IPCEF1: variants seen among roughly 807,000 people sequenced by gnomAD.
IPCEF1 encodes the protein interaction protein for cytohesin exchange factors 1, also known as interactor protein for cytohesin exchange factors 1.
In IPCEF1, 31 loss-of-function variants were observed where a neutral mutation model predicts 50.9. That is an observed-to-expected ratio of 0.61 (90% CI 0.46 to 0.82). The LOEUF (loss-of-function observed/expected upper bound fraction) is 0.82. Among genes scored for constraint, IPCEF1 ranks in the 40% least tolerant of loss-of-function variants. IPCEF1 has a pLI of 0.00. For synonymous variants in IPCEF1, 181 were observed against 192.0 expected, an observed-to-expected ratio of 0.94 and a Z score of 0.47; for missense variants, 458 against 514.0, an observed-to-expected ratio of 0.89 and a Z score of 1.05.
At chr6:154,321,803 A>C (rs952667222) in intron 1 of IPCEF1, among the ~76,000 whole-genome samples, 3 of 148,316 alleles carry the variant, frequency 2.0e-5, no homozygotes, top group Non-Finnish European at 4.4e-5. Flanking sequence ...AAAAAAAAAA[A>C]AAACCAAGGA....
chr6:154,274,019 C>G (rs1781978224), intron 2 of IPCEF1, among the ~76,000 whole-genome samples: 1 of 149,864 alleles, frequency 6.7e-6, no homozygotes, highest in African/African-American at 2.5e-5. Flanking sequence ...TCCCAAAGTT[C>G]TGGGATTACA....
intron 5 of IPCEF1, among the ~76,000 whole-genome samples, chr6:154,246,011 T>C (rs7741417): frequency 0.84 from 127,886 of 152,176 alleles, 54,564 homozygotes; most frequent in Middle Eastern, 0.88. Flanking sequence ...ACTAGTTTAA[T>C]GCCATCACAG....
At chr6:154,333,737 GTA>G (rs966407609) in intron 1 of IPCEF1, among the ~76,000 whole-genome samples, 1 of 151,246 alleles carries the variant, frequency 6.6e-6, no homozygotes, top group Non-Finnish European at 1.5e-5. Context: ...ATATGTGTAT[GTA>G]TATATATGTG....
At chr6:154,214,352 T>C in intron 7 of IPCEF1, 76 bp from the exon 8 acceptor site, 2 of 1,002,614 alleles carry the variant, frequency 2.0e-6, no homozygotes, top group South Asian at 1.3e-5. Flanking sequence ...CAGAGTTTGT[T>C]ATGAAATTAG....
chr6:154,274,126 T>A (rs1781981336), intron 2 of IPCEF1, among the ~76,000 whole-genome samples: 1 of 151,980 alleles, frequency 6.6e-6, no homozygotes, highest in African/African-American at 2.4e-5. Context: ...TATAGAATAT[T>A]CTCATTCTTT....
rs1172258120 is a variant in IPCEF1, at chr6:154,159,785, T to C, written c.*43A>G. The stretch of plus-strand genomic sequence containing the variant: ...TAAGCTTTTGCAACATCTTGAAGAG[T>C]TGCTTGTGATAAAATATAAGAGGAG... On this transcript the variant is annotated 3_prime_UTR_variant, in exon 12 of 12. Transcript: ENST00000367220. 6.8e-7 allele frequency: 1 copy of C among 1,462,996 alleles called. No homozygotes were observed. The highest frequency in any genetic ancestry group is 9.5e-7 in the Non-Finnish European group (1 of 1,053,004). 90.6% of individuals were successfully genotyped at this position (1,462,996 alleles called of 1,614,324 possible). A position where few individuals can be genotyped will look rare whatever the true frequency, so the allele number is the denominator to read the frequency against.
intron 1 of IPCEF1, among the ~76,000 whole-genome samples, chr6:154,304,386 A>G (rs968127460): frequency 6.6e-6 from 1 of 152,206 alleles, no homozygotes; most frequent in Non-Finnish European, 1.5e-5. Flanking sequence ...ACTTCCTGAA[A>G]TCACTCTCTT....
intron 1 of IPCEF1, among the ~76,000 whole-genome samples, chr6:154,313,199 C>T (rs903337281): frequency 5.3e-5 from 8 of 151,522 alleles, no homozygotes; most frequent in Non-Finnish European, 1.2e-4. Flanking sequence ...TGGTAAAACC[C>T]CATCTCTTCT....
intron 1 of IPCEF1, among the ~76,000 whole-genome samples, chr6:154,335,128 C>T (rs1783761488): frequency 6.6e-6 from 1 of 152,096 alleles, no homozygotes; most frequent in African/African-American, 2.4e-5. Flanking sequence ...GCCTGGGCAA[C>T]ATAGTGAGAC....
chr6:154,220,183 G>A (rs1024878368), intron 7 of IPCEF1, among the ~76,000 whole-genome samples: 1 of 152,140 alleles, frequency 6.6e-6, no homozygotes, highest in Admixed American at 6.5e-5. Flanking sequence ...TTATGTGTGG[G>A]TTTTTCATTG....
At chr6:154,186,601 G>T (rs1801377969) in intron 10 of IPCEF1, among the ~76,000 whole-genome samples, 1 of 151,630 alleles carries the variant, frequency 6.6e-6, no homozygotes, top group African/African-American at 2.4e-5. Flanking sequence ...TTGTCGCCCA[G>T]GCTGGAGTGC....
chr6:154,223,037 C>T, intron 6 of IPCEF1, 133 bp downstream of exon 6: 1 of 739,192 alleles, frequency 1.4e-6, no homozygotes, highest in Non-Finnish European at 2.3e-6. Flanking sequence ...AGGGTGCCAA[C>T]CCATAATGCT....
chr6:154,159,777 T>G lies in IPCEF1; in HGVS notation c.*51A>C. 7.0e-7 allele frequency: 1 copy of G among 1,419,854 alleles called. No homozygotes were observed. The highest frequency in any genetic ancestry group is 1.2e-5 in the South Asian group (1 of 82,996). 88.0% of individuals were successfully genotyped at this position (1,419,854 alleles called of 1,614,324 possible). On this transcript the variant is annotated 3_prime_UTR_variant, in exon 12 of 12. Coordinates refer to ENST00000367220, the MANE Select transcript of IPCEF1 (RefSeq NM_001130700.2). ...GAAAAATGTAAGCTTTTGCAACATC[T>G]TGAAGAGTTGCTTGTGATAAAATAT...
At position 154,218,392 on chromosome 6, in the gene IPCEF1, C is replaced by A. The variant is rs547875649; in HGVS notation, c.392+2865G>T. On this transcript the variant is annotated intron_variant, in intron 7 of 11. Transcript: ENST00000367220. ...AAATTGAGACTCACTACAGAACATG[C>A]GGAGTTTCTACTAAACTTAATTACA... Among the ~76,000 whole-genome samples the A allele has an allele frequency of 1.1e-4, 17 of 152,272 alleles. No individual in the cohort carries two copies. In the South Asian group the frequency reaches 1.9e-3, roughly 17 times the overall value.
intron 2 of IPCEF1, among the ~76,000 whole-genome samples, chr6:154,274,212 C>T (rs1200315335): frequency 6.9e-6 from 1 of 144,524 alleles, no homozygotes; most frequent in Non-Finnish European, 1.5e-5. Flanking sequence ...GCCTTCTCTC[C>T]ACTTTGATGA....
At chr6:154,355,989 A>G (rs1021344541) in intron 1 of IPCEF1, among the ~76,000 whole-genome samples, 7 of 152,064 alleles carry the variant, frequency 4.6e-5, no homozygotes, top group African/African-American at 1.7e-4. Flanking sequence ...AAATAACTCG[A>G]TAGAAATTAG....
intron 10 of IPCEF1, among the ~76,000 whole-genome samples, chr6:154,195,696 T>C (rs1314458009): frequency 6.6e-6 from 1 of 152,144 alleles, no homozygotes; most frequent in African/African-American, 2.4e-5. Context: ...TGGCACCTAT[T>C]TTACTCTGCT....
intron 9 of IPCEF1, among the ~76,000 whole-genome samples, chr6:154,201,372 TTG>T (rs1456428301): frequency 1.3e-5 from 2 of 152,230 alleles, no homozygotes; most frequent in Non-Finnish European, 2.9e-5. Context: ...CTTTGTCTCT[TTG>T]TCTCTTTTCC....
At chr6:154,165,125 G>A (rs1799323557) in intron 11 of IPCEF1, among the ~76,000 whole-genome samples, 2 of 152,044 alleles carry the variant, frequency 1.3e-5, no homozygotes. Flanking sequence ...CATTTCCTCT[G>A]TGTATGATAT....
Sources: gnomAD v4.1 joint callset for allele counts (sites outside exome capture counted in the v4.1 genomes callset) on GRCh38, gnomAD v4.1.1 for gene constraint, MANE v1.5 for transcripts, NCBI Gene and HGNC (gene_info 2026-07-23, HGNC 2026-07-21) for gene names.